The following PIP5K1B variants were observed in gnomAD, a reference collection of about 807,000 sequenced individuals.
PIP5K1B encodes phosphatidylinositol 4-phosphate 5-kinase type-1 beta.
Under a neutral mutation model 67.0 loss-of-function variants are expected in PIP5K1B, and 42 were observed. That is an observed-to-expected ratio of 0.63 (90% CI 0.49 to 0.81). The LOEUF (loss-of-function observed/expected upper bound fraction) is 0.81, where lower values mean the gene tolerates loss of function less well. Among genes scored for constraint, PIP5K1B ranks in the 30% least tolerant of loss-of-function variants. PIP5K1B has a pLI of 0.00. For missense variants in PIP5K1B, 459 were observed against 646.3 expected, an observed-to-expected ratio of 0.71 and a Z score of 3.14; for synonymous variants, 214 against 231.4, an observed-to-expected ratio of 0.92 and a Z score of 0.68.
chr9:68,924,896 C>A (rs1042684135), intron 12 of PIP5K1B, among the ~76,000 whole-genome samples: 1 of 152,032 alleles, frequency 6.6e-6, no homozygotes, highest in Non-Finnish European at 1.5e-5. Context: ...CCAGAGATAT[C>A]CACTGCTAAT....
chr9:68,744,834 C>T (rs1829204137), intron 2 of PIP5K1B, among the ~76,000 whole-genome samples: 1 of 152,184 alleles, frequency 6.6e-6, no homozygotes, highest in African/African-American at 2.4e-5. Context: ...GCTGCACTCT[C>T]TTCAGCCTAA....
rs184229217 is a variant in PIP5K1B at position 68,837,851 on chromosome 9, T to C, written c.69+15168T>C. ...TATAAGGTCACTATCTCTAAAAAAA[T>C]TTCTATTGTGATTTTTGTTGAAATT... On this transcript the variant is annotated intron_variant, in intron 4 of 15. Transcript: ENST00000265382. Among the ~76,000 whole-genome samples, 976 of 152,046 alleles carry C rather than the reference T, an allele frequency of 6.4e-3. 11 individuals carry two copies. Among genetic ancestry groups the C allele is most frequent in the African/African-American group, 0.023 (941 of 41,548 alleles).
In PIP5K1B at chr9:68,972,762, A is replaced by G. The variant is rs190246539; in HGVS notation, c.1503-18378A>G. Among the ~76,000 whole-genome samples, 13 of 152,324 alleles carry G rather than the reference A, an allele frequency of 8.5e-5. No individual in the cohort carries two copies. The East Asian group carries it at 2.3e-3, about 27-fold the overall frequency. Reference sequence around the variant, plus strand: ...TACACAACTCCTTCTGAGCCAGTCAAGTCTATAACATGTGTTTCTTTATAT... The same window carrying G: ...TACACAACTCCTTCTGAGCCAGTCAGGTCTATAACATGTGTTTCTTTATAT... On this transcript the variant is annotated intron_variant, in intron 14 of 15. Transcript: ENST00000265382.
chr9:68,979,555 C>T (rs1829797408), intron 14 of PIP5K1B, among the ~76,000 whole-genome samples: 3 of 20,100 alleles, frequency 1.5e-4, no homozygotes, highest in Admixed American at 1.1e-3. Context: ...CACACAGAGT[C>T]ACTCCCCTCA....
intron 12 of PIP5K1B, among the ~76,000 whole-genome samples, chr9:68,933,845 T>C (rs1337004935): frequency 1.3e-5 from 2 of 152,196 alleles, no homozygotes; most frequent in Non-Finnish European, 2.9e-5. Flanking sequence ...CTCATTTGTG[T>C]GTCCCAAAGT....
intron 14 of PIP5K1B, among the ~76,000 whole-genome samples, chr9:68,954,290 A>G (rs1828260360): frequency 6.6e-6 from 1 of 151,962 alleles, no homozygotes; most frequent in Admixed American, 6.5e-5. Flanking sequence ...TTATAGGTTT[A>G]TGTCCTTTTT....
chr9:68,872,333 A>T (rs1823665546), intron 5 of PIP5K1B, among the ~76,000 whole-genome samples: 1 of 152,236 alleles, frequency 6.6e-6, no homozygotes, highest in Non-Finnish European at 1.5e-5. Flanking sequence ...ATCCGGGCCC[A>T]GCAGGGGCCA....
chr9:68,747,835 AACACT>A (rs1258600848), intron 2 of PIP5K1B, among the ~76,000 whole-genome samples: 3 of 152,218 alleles, frequency 2.0e-5, no homozygotes, highest in Non-Finnish European at 4.4e-5. Context: ...AGTATGGTTT[AACACT>A]ACATTGTAAG....
chr9:68,907,952 G>T (rs1203016971), intron 8 of PIP5K1B, among the ~76,000 whole-genome samples: 1 of 152,188 alleles, frequency 6.6e-6, no homozygotes, highest in Non-Finnish European at 1.5e-5. Flanking sequence ...AAGGTGAAGG[G>T]TAAGTACTTT....
intron 2 of PIP5K1B, among the ~76,000 whole-genome samples, chr9:68,786,915 C>T (rs893510185): frequency 6.6e-6 from 1 of 152,142 alleles, no homozygotes; most frequent in Non-Finnish European, 1.5e-5. Context: ...GAGTTTCCAA[C>T]CGGAAGGTTG....
intron 4 of PIP5K1B, among the ~76,000 whole-genome samples, chr9:68,827,630 T>A (rs1288269956): frequency 2.0e-5 from 3 of 152,124 alleles, no homozygotes; most frequent in Non-Finnish European, 4.4e-5. Context: ...CGGGAAGGCT[T>A]TTGTGTTAGT....
intron 12 of PIP5K1B, among the ~76,000 whole-genome samples, chr9:68,931,714 A>G (rs1156606342): frequency 6.6e-6 from 1 of 152,228 alleles, no homozygotes; most frequent in African/African-American, 2.4e-5. Flanking sequence ...AGGTTCCAAT[A>G]TGGCAGAAGG....
rs141329390 is a variant in PIP5K1B, at chr9:68,983,788, G to A, written c.1503-7352G>A. On this transcript the variant is annotated intron_variant, in intron 14 of 15. Coordinates refer to ENST00000265382, the MANE Select transcript of PIP5K1B (RefSeq NM_003558.4). ...GCAAAACTTAATGGTGCAGCACATC[G>A]GCAGGCAGCCAGACTCTTAAACTCT... is the stretch of plus-strand genomic sequence containing the variant. 6.7e-4 allele frequency among the ~76,000 whole-genome samples: 102 copies of A among 152,308 alleles called. No individual in the cohort carries two copies. In the East Asian group the frequency reaches 0.015, roughly 22 times the overall value.
intron 6 of PIP5K1B, 34 bp from the exon 7 acceptor site, chr9:68,888,947 A>G: frequency 6.9e-7 from 1 of 1,456,416 alleles, no homozygotes. Flanking sequence ...TACATCAAGT[A>G]TATGTTTTAA....
chr9:68,789,562 C>A, intron 2 of PIP5K1B: 1 of 487,706 alleles, frequency 2.1e-6, no homozygotes, highest in East Asian at 5.8e-5. Context: ...GTAGCTTGTT[C>A]TTGCACCTCA....
intron 1 of PIP5K1B, among the ~76,000 whole-genome samples, chr9:68,729,604 T>C (rs1489787711): frequency 1.3e-5 from 2 of 152,170 alleles, no homozygotes; most frequent in African/African-American, 4.8e-5. Context: ...TGTGTATAAT[T>C]ATACAAGAAC....
intron 4 of PIP5K1B, among the ~76,000 whole-genome samples, chr9:68,852,255 C>G (rs1201301778): frequency 6.6e-6 from 1 of 152,112 alleles, no homozygotes; most frequent in Non-Finnish European, 1.5e-5. Context: ...AAGAAAGACT[C>G]TGTTTGCAAA....
intron 8 of PIP5K1B, among the ~76,000 whole-genome samples, chr9:68,900,485 G>A (rs1010237400): frequency 3.9e-5 from 6 of 152,054 alleles, no homozygotes; most frequent in African/African-American, 1.4e-4. Context: ...TCTGATATAA[G>A]TTATCTATGT....
chr9:68,941,898 C>A (rs1475686034), intron 14 of PIP5K1B, among the ~76,000 whole-genome samples: 3 of 152,098 alleles, frequency 2.0e-5, no homozygotes, highest in Non-Finnish European at 2.9e-5. Context: ...CAGCTAGATA[C>A]AAGATTAGGT....
Sources: allele counts gnomAD v4.1 joint callset (sites outside exome capture counted in the v4.1 genomes callset), GRCh38; gene constraint gnomAD v4.1.1; transcripts MANE v1.5; gene names NCBI Gene and HGNC (gene_info 2026-07-23, HGNC 2026-07-21).